Variants in CCSER2 observed in about 807,000 individuals in gnomAD.
CCSER2 encodes the protein coiled-coil serine rich protein 2, also known as serine-rich coiled-coil domain-containing protein 2.
A neutral mutation model predicts 92.3 loss-of-function variants in CCSER2; 46 were observed. That is an observed-to-expected ratio of 0.50 (90% CI 0.39 to 0.64). The LOEUF is 0.64. Among genes scored for constraint, CCSER2 ranks in the 30% least tolerant of loss-of-function variants. CCSER2 has a pLI of 0.00. For synonymous variants in CCSER2, 433 were observed against 431.4 expected (o/e 1.00, Z -0.04); for missense variants, 1,244 against 1,238.9 (o/e 1.00, Z -0.06).
At chr10:84,431,286 C>T (rs1481484009) in intron 5 of CCSER2, among the ~76,000 whole-genome samples, 10 of 152,160 alleles carry the variant, frequency 6.6e-5, no homozygotes, top group Non-Finnish European at 5.9e-5. Flanking sequence ...TTTTCCTGAA[C>T]TCCTGGTAAA....
intron 9 of CCSER2, among the ~76,000 whole-genome samples, chr10:84,512,496 TG>T (rs979519513): frequency 1.3e-5 from 2 of 152,104 alleles, no homozygotes; most frequent in African/African-American, 4.8e-5. Flanking sequence ...TTTAACTATT[TG>T]GGCCATTGAA....
intron 9 of CCSER2, among the ~76,000 whole-genome samples, chr10:84,510,277 C>G (rs1306702122): frequency 1.3e-5 from 2 of 152,142 alleles, no homozygotes; most frequent in African/African-American, 4.8e-5. Context: ...TGATAAACTC[C>G]TATTCACCCT....
intron 3 of CCSER2, among the ~76,000 whole-genome samples, chr10:84,393,260 C>G (rs1841630097): frequency 6.6e-6 from 1 of 152,086 alleles, no homozygotes; most frequent in African/African-American, 2.4e-5. Context: ...AAATCTTTGC[C>G]TCTGTGCTGT....
chr10:84,400,428 C>T lies in CCSER2; in HGVS notation c.1615-17343C>T, dbSNP rs115761364. Among the ~76,000 whole-genome samples the T allele has an allele frequency of 4.4e-3, 667 of 152,228 alleles. 4 individuals are homozygous for T. The highest frequency in any genetic ancestry group is 0.015 in the African/African-American group (620 of 41,528). ...TCAAGCAGTCTGCCTGCCTTGGCCTCCCGAAGTGCTAGAAATACAGATGTG... is the reference window on the plus strand; with the variant it reads ...TCAAGCAGTCTGCCTGCCTTGGCCTTCCGAAGTGCTAGAAATACAGATGTG... On this transcript the variant is annotated intron_variant, in intron 3 of 9. Coordinates refer to ENST00000372088, the MANE Select transcript of CCSER2 (RefSeq NM_001284240.2).
chr10:84,451,119 G>A (rs2133584647), intron 6 of CCSER2, among the ~76,000 whole-genome samples: 1 of 152,226 alleles, frequency 6.6e-6, no homozygotes, highest in Admixed American at 6.5e-5. Flanking sequence ...AAACCCTTTA[G>A]AGCAGGGTAT....
chr10:84,342,996 C>T (rs994186914), intron 1 of CCSER2, among the ~76,000 whole-genome samples: 2 of 152,130 alleles, frequency 1.3e-5, no homozygotes, highest in Non-Finnish European at 2.9e-5. Context: ...CTTCAGCCTC[C>T]CAAGTAGCTA....
chr10:84,335,758 CT>C (rs1195869562), intron 1 of CCSER2, among the ~76,000 whole-genome samples: 2 of 152,070 alleles, frequency 1.3e-5, no homozygotes, highest in Non-Finnish European at 2.9e-5. Flanking sequence ...AGCCTGAGTG[CT>C]TTAGGGCAAT....
chr10:84,470,932 A>G (rs1846752885), intron 8 of CCSER2, among the ~76,000 whole-genome samples: 1 of 152,108 alleles, frequency 6.6e-6, no homozygotes, highest in African/African-American at 2.4e-5. Context: ...GTCATGTTTG[A>G]ATCTTCATAA....
At chr10:84,407,582 AG>A (rs1192190332) in intron 3 of CCSER2, among the ~76,000 whole-genome samples, 1 of 152,232 alleles carries the variant, frequency 6.6e-6, no homozygotes, top group East Asian at 1.9e-4. Flanking sequence ...GATTAGTATC[AG>A]GCCACTGACA....
At chr10:84,454,691 C>T (rs951116419) in intron 6 of CCSER2, 4 of 169,868 alleles carry the variant, frequency 2.4e-5, no homozygotes. Context: ...AAAATTCTGT[C>T]TCCTTTGATG....
At chr10:84,409,557 A>G (rs1589581383) in intron 3 of CCSER2, among the ~76,000 whole-genome samples, 3 of 151,222 alleles carry the variant, frequency 2.0e-5, no homozygotes, top group African/African-American at 7.3e-5. Flanking sequence ...GCTGTTTTAG[A>G]TAACTGCTTG....
At chr10:84,508,235 G>A (rs1027412677) in intron 9 of CCSER2, among the ~76,000 whole-genome samples, 1 of 152,136 alleles carries the variant, frequency 6.6e-6, no homozygotes, top group Non-Finnish European at 1.5e-5. Context: ...GGGGTCTCAT[G>A]GTAACTAGAG....
At chr10:84,362,415 A>AT (rs954139961) in intron 1 of CCSER2, among the ~76,000 whole-genome samples, 1 of 152,146 alleles carries the variant, frequency 6.6e-6, no homozygotes, top group Non-Finnish European at 1.5e-5. Context: ...CCCCACAGGT[A>AT]TTTGAGTTTT....
intron 6 of CCSER2, among the ~76,000 whole-genome samples, chr10:84,458,971 A>T (rs75458125): frequency 2.8e-4 from 42 of 151,940 alleles, no homozygotes; most frequent in African/African-American, 9.9e-4. Flanking sequence ...TTGACCTTGT[A>T]TCCTGTGATT....
At chr10:84,366,698 T>C (rs556149804) in intron 1 of CCSER2, among the ~76,000 whole-genome samples, 1 of 152,322 alleles carries the variant, frequency 6.6e-6, no homozygotes, top group Non-Finnish European at 1.5e-5. Context: ...CTTAAGTATA[T>C]AACAAGGATA....
chr10:84,438,777 TA>T, intron 6 of CCSER2, 70 bp downstream of exon 6: 2 of 913,196 alleles, frequency 2.2e-6, no homozygotes, highest in Non-Finnish European at 3.3e-6. Flanking sequence ...TAGTTTTTTT[TA>T]AAAAAATACT....
Position 84,433,357 on chromosome 10 carries a change from AATG to A in CCSER2, c.1869-5152_1869-5150del, listed in dbSNP as rs1489138671. 2.6e-5 allele frequency among the ~76,000 whole-genome samples: 4 copies of A among 152,302 alleles called. No homozygotes were observed. The East Asian group carries it at 7.7e-4, about 29-fold the overall frequency. ...TTTTTATTAATGGTGATGAAACACT[AATG>A]ATTTTATGAAATCAAAACTGTGACT... On this transcript the variant is annotated intron_variant, in intron 5 of 9. Coordinates refer to ENST00000372088, the MANE Select transcript of CCSER2 (RefSeq NM_001284240.2).
intron 1 of CCSER2, among the ~76,000 whole-genome samples, chr10:84,352,223 G>C (rs1018782042): frequency 2.0e-5 from 3 of 152,166 alleles, no homozygotes; most frequent in Non-Finnish European, 4.4e-5. Context: ...AGAATTGCTT[G>C]AACTCAGGAG....
chr10:84,398,728 G>C (rs773472070), intron 3 of CCSER2, among the ~76,000 whole-genome samples: 3 of 152,152 alleles, frequency 2.0e-5, no homozygotes, highest in Non-Finnish European at 4.4e-5. Context: ...TATAGCTGAA[G>C]TCTACCCTCT....
Sources: allele counts gnomAD v4.1 joint callset (sites outside exome capture counted in the v4.1 genomes callset), GRCh38; gene constraint gnomAD v4.1.1; transcripts MANE v1.5; gene names NCBI Gene and HGNC (gene_info 2026-07-23, HGNC 2026-07-21).